Variants in SIL1 observed in about 807,000 individuals in gnomAD.
SIL1 encodes the protein nucleotide exchange factor SIL1.
A neutral mutation model predicts 49.1 loss-of-function variants in SIL1; 40 were observed. The ratio of observed to expected loss-of-function variants is 0.81; its 90% confidence interval spans 0.63 to 1.06. The LOEUF (loss-of-function observed/expected upper bound fraction) is 1.06, where lower values mean the gene tolerates loss of function less well. SIL1 is among the 50% of genes least tolerant of loss of function. The probability of loss-of-function intolerance (pLI) is 0.00; values close to 1 mark genes in which losing one functional copy is unlikely to be tolerated. For synonymous variants in SIL1, 253 were observed against 250.8 expected (o/e 1.01, Z -0.08); for missense variants, 500 against 572.6 (o/e 0.87, Z 1.29).
intron 7 of SIL1, among the ~76,000 whole-genome samples, chr5:139,014,807 A>G (rs1216298297): frequency 6.6e-6 from 1 of 152,206 alleles, no homozygotes; most frequent in Non-Finnish European, 1.5e-5. Flanking sequence ...AGGCTTGAGC[A>G]CCTCTCCTGT....
At chr5:139,141,977 G>C (rs961918216) in intron 1 of SIL1, among the ~76,000 whole-genome samples, 1 of 152,168 alleles carries the variant, frequency 6.6e-6, no homozygotes, top group Non-Finnish European at 1.5e-5. Flanking sequence ...ATCAGCCAAA[G>C]GAAACAGAGA....
At chr5:139,193,738 A>T (rs772404089) in intron 1 of SIL1, among the ~76,000 whole-genome samples, 1 of 152,230 alleles carries the variant, frequency 6.6e-6, no homozygotes, top group Non-Finnish European at 1.5e-5. Context: ...AGGGTAACTA[A>T]CTTGTCCTGG....
chr5:138,990,188 G>A (rs190449276), intron 7 of SIL1, among the ~76,000 whole-genome samples: 15 of 152,248 alleles, frequency 9.9e-5, no homozygotes, highest in African/African-American at 3.1e-4. Flanking sequence ...ACTTACCCAA[G>A]AGTTTTCCAT....
In SIL1 at chr5:139,008,603, C is replaced by T. The variant is rs1406020966; in HGVS notation, c.767+12568G>A. On this transcript the variant is annotated intron_variant, in intron 7 of 9. Coordinates refer to ENST00000394817, the MANE Select transcript of SIL1 (RefSeq NM_022464.5). ...TGCTTTCTCTTGTGGGCATTTAGTGCTATAAATTTCCCTCTACACACTGCT... is the reference window on the plus strand; with the variant it reads ...TGCTTTCTCTTGTGGGCATTTAGTGTTATAAATTTCCCTCTACACACTGCT... 1.6e-4 allele frequency among the ~76,000 whole-genome samples: 24 copies of T among 147,204 alleles called. No homozygotes were observed. In the East Asian group the frequency reaches 4.7e-3, roughly 29 times the overall value.
intron 7 of SIL1, among the ~76,000 whole-genome samples, chr5:138,983,334 C>CT (rs1767573344): frequency 6.6e-6 from 1 of 151,036 alleles, no homozygotes; most frequent in African/African-American, 2.4e-5. Flanking sequence ...TGGTGAAAGC[C>CT]TTTCTCTACT....
At chr5:139,133,605 C>G (rs1171868736) in intron 1 of SIL1, 1 of 152,248 alleles carries the variant, frequency 6.6e-6, no homozygotes, top group African/African-American at 2.4e-5. Context: ...TCTGACACAC[C>G]TGGCAGGACC....
At chr5:138,976,896 G>A (rs570974161) in intron 7 of SIL1, among the ~76,000 whole-genome samples, 1 of 152,182 alleles carries the variant, frequency 6.6e-6, no homozygotes, top group Admixed American at 6.5e-5. Context: ...CATCCATCAC[G>A]TTTCCCAGAG....
intron 7 of SIL1, among the ~76,000 whole-genome samples, chr5:138,995,029 A>C (rs1480124803): frequency 1.3e-5 from 2 of 152,180 alleles, no homozygotes; most frequent in African/African-American, 4.8e-5. Flanking sequence ...TGTCCTGCAA[A>C]GGACATGATC....
At chr5:139,104,689 C>T (rs1367114939) in intron 3 of SIL1, among the ~76,000 whole-genome samples, 2 of 152,178 alleles carry the variant, frequency 1.3e-5, no homozygotes, top group Non-Finnish European at 2.9e-5. Flanking sequence ...ATATCCAGAT[C>T]CTTGAGTGGG....
intron 3 of SIL1, among the ~76,000 whole-genome samples, chr5:139,112,665 A>G (rs1196400920): frequency 1.5e-5 from 2 of 129,662 alleles, no homozygotes; most frequent in African/African-American, 3.0e-5. Flanking sequence ...CAGCCGCCCC[A>G]TCCGGGAGGG....
intron 6 of SIL1, among the ~76,000 whole-genome samples, chr5:139,025,326 A>G (rs1159029607): frequency 6.6e-6 from 1 of 152,172 alleles, no homozygotes; most frequent in Non-Finnish European, 1.5e-5. Flanking sequence ...CCTTGCTGCA[A>G]ATTCCAGCTC....
At chr5:138,956,560 A>G (rs1346959792) in intron 7 of SIL1, among the ~76,000 whole-genome samples, 1 of 152,100 alleles carries the variant, frequency 6.6e-6, no homozygotes, top group Non-Finnish European at 1.5e-5. Flanking sequence ...TCTGGCCAAC[A>G]TGGTGAAACC....
intron 6 of SIL1, 82 bp from the exon 7 acceptor site, chr5:139,021,374 C>T: frequency 1.3e-6 from 2 of 1,568,564 alleles, no homozygotes; most frequent in South Asian, 2.3e-5. Flanking sequence ...TGGTGACTAC[C>T]CAAAAACAAA....
rs187965262 is a variant in SIL1 at position 139,155,886 on chromosome 5, G to A, written c.-10-28033C>T. On this transcript the variant is annotated intron_variant, in intron 1 of 9. Coordinates refer to ENST00000394817, the MANE Select transcript of SIL1 (RefSeq NM_022464.5). ...CTTGCTCTGTTGCCCAGGCTGGAGT[G>A]CAGTGGCGTGATCTGGGCTCACTGC... 6.5e-3 allele frequency among the ~76,000 whole-genome samples: 987 copies of A among 151,890 alleles called. 3 individuals are homozygous for A. Among genetic ancestry groups the A allele is most frequent in the Admixed American group, 0.021 (323 of 15,238 alleles).
chr5:139,137,209 CT>C lies in SIL1; in HGVS notation c.-10-9357del. The C allele has an allele frequency of 4.8e-6, 3 of 628,422 alleles. No individual in the cohort carries two copies. The Admixed American group carries it at 7.5e-5, about 16-fold the overall frequency. The allele number at this position is 628,422 out of a possible 1,614,324, so 38.9% of individuals were successfully genotyped here. ...AATTATAGTCAACATTTATAGAGAA[CT>C]TTCCATGTTGCAAGCAAAGTATTAG... On this transcript the variant is annotated intron_variant, in intron 1 of 9. Coordinates refer to ENST00000394817, the MANE Select transcript of SIL1 (RefSeq NM_022464.5).
At chr5:139,112,743 C>A (rs1770894911) in intron 3 of SIL1, among the ~76,000 whole-genome samples, 2 of 151,682 alleles carry the variant, frequency 1.3e-5, no homozygotes, top group African/African-American at 2.4e-5. Flanking sequence ...GCCCGGCCGC[C>A]CCTTCTGGGA....
Position 138,947,482 on chromosome 5 carries a change from C to T in SIL1, c.1030-9G>A, listed in dbSNP as rs370290043. The T allele has an allele frequency of 6.1e-5, 99 of 1,612,492 alleles. No homozygotes were observed. Among genetic ancestry groups the T allele is most frequent in the Non-Finnish European group, 7.2e-5 (85 of 1,179,196 alleles). ...TCCTCCTCGGCGAACATCTGCCATC[C>T]GCCACAGCCGCAGGCCAGGTAGGGT... On this transcript the variant is annotated splice_polypyrimidine_tract_variant and intron_variant, in intron 9 of 9. Coordinates refer to ENST00000394817, the MANE Select transcript of SIL1 (RefSeq NM_022464.5). The surrounding 1 kb of genome is among the most constrained non-coding windows in gnomAD (Gnocchi z 4.1).
chr5:139,194,086 A>G (rs1752222359), intron 1 of SIL1, among the ~76,000 whole-genome samples: 1 of 152,246 alleles, frequency 6.6e-6, no homozygotes, highest in Admixed American at 6.5e-5. Flanking sequence ...TAGGAGGATG[A>G]AGGCAAACAT....
Position 138,947,180 on chromosome 5 carries a change from C to G in SIL1, c.1323G>C (p.Glu441Asp). 6.2e-7 allele frequency: 1 copy of G among 1,613,660 alleles called. No homozygotes were observed. Among genetic ancestry groups the G allele is most frequent in the Non-Finnish European group, 8.5e-7 (1 of 1,179,912 alleles). Residue 441 changes from glutamate to aspartate, a missense_variant, in exon 10 of 10, where the codon GAG becomes GAC. Transcript: ENST00000394817. This position sits in a 1 kb window ranked among gnomAD's most constrained non-coding sequence, Gnocchi z 4.1. ...VLASLELQDG[E>D]DEGYFQELLG... is the part of the protein sequence containing the mutation. ...GCAGCTCCTGGAAGTAGCCCTCGTC[C>G]TCACCATCCTGCAGCTCCAGGCTGG...
Sources: gnomAD v4.1 joint callset for allele counts (sites outside exome capture counted in the v4.1 genomes callset) on GRCh38, gnomAD v4.1.1 for gene constraint, Gnocchi (gnomAD v3.1) non-coding constraint, MANE v1.5 for transcripts, NCBI Gene and HGNC (gene_info 2026-07-23, HGNC 2026-07-21) for gene names.